Variants in PCDHA6 observed in about 807,000 individuals in gnomAD.
PCDHA6 encodes protocadherin alpha-6.
Under a neutral mutation model 60.3 loss-of-function variants are expected in PCDHA6, and 55 were observed. The observed-to-expected ratio is 0.91, with a 90% CI of 0.73 to 1.14. The LOEUF (loss-of-function observed/expected upper bound fraction) is 1.14. Ranked by LOEUF, PCDHA6 falls within the 50% of genes most tolerant of loss-of-function variation. The pLI, the probability that PCDHA6 is intolerant of heterozygous loss-of-function variation, is 0.00. For synonymous variants in PCDHA6, 652 were observed against 557.9 expected, an observed-to-expected ratio of 1.17 and a Z score of -2.38; for missense variants, 1,327 against 1,256.5, an observed-to-expected ratio of 1.06 and a Z score of -0.85.
chr5:140,829,798 G>A lies in PCDHA6; in HGVS notation c.1707G>A (p.Arg569=). 6.2e-7 allele frequency: 1 copy of A among 1,613,874 alleles called. No homozygotes were observed. The highest frequency in any genetic ancestry group is 8.5e-7 in the Non-Finnish European group (1 of 1,179,878). ...NDNAPALLAP[R]VGGTGGAVSE... is the part of the protein sequence containing the mutation. Reference sequence around the variant, plus strand: ...ACGCGCCGGCGCTGCTGGCGCCTCGGGTGGGTGGTACTGGTGGTGCAGTGA... The same window carrying A: ...ACGCGCCGGCGCTGCTGGCGCCTCGAGTGGGTGGTACTGGTGGTGCAGTGA... Residue 569 remains arginine (R), a synonymous_variant, in exon 1 of 4, where the codon CGG becomes CGA. Coordinates refer to ENST00000529310, the MANE Select transcript of PCDHA6 (RefSeq NM_018909.4).
At chr5:140,849,922 CG>C (rs1376450485) in intron 1 of PCDHA6, 3 of 1,598,214 alleles carry the variant, frequency 1.9e-6, no homozygotes, top group Non-Finnish European at 2.6e-6. Context: ...CACATCTTCA[CG>C]GTGTCTGCGC....
At chr5:141,001,280 G>T (rs1308036863) in intron 3 of PCDHA6, among the ~76,000 whole-genome samples, 2 of 152,162 alleles carry the variant, frequency 1.3e-5, no homozygotes, top group South Asian at 2.1e-4. Context: ...TTTTTTTACG[G>T]ATGAAAACTG....
intron 1 of PCDHA6, among the ~76,000 whole-genome samples, chr5:140,846,375 T>TG (rs1272448180): frequency 8.0e-6 from 1 of 125,456 alleles, no homozygotes; most frequent in African/African-American, 3.3e-5. Flanking sequence ...CTTTCTTTCT[T>TG]TTTTTTTTTT....
At chr5:140,907,975 G>A (rs1242073777) in intron 1 of PCDHA6, among the ~76,000 whole-genome samples, 1 of 152,154 alleles carries the variant, frequency 6.6e-6, no homozygotes, top group Non-Finnish European at 1.5e-5. Flanking sequence ...TTCCAATCAT[G>A]CTTCTTCCAA....
At chr5:140,958,241 AT>A (rs2095415572) in intron 1 of PCDHA6, among the ~76,000 whole-genome samples, 1 of 152,118 alleles carries the variant, frequency 6.6e-6, no homozygotes, top group Non-Finnish European at 1.5e-5. Flanking sequence ...GTTTTTAACA[AT>A]TCTGAACAAA....
In PCDHA6 at chr5:140,883,821, A is replaced by T; in HGVS notation, c.2394+53336A>T. ...GTGCACGCGGAGAGCGGCAAGGTGT[A>T]CGCGCTGCAGCCGTTGGACCACGAG... On this transcript the variant is annotated intron_variant, in intron 1 of 3. Transcript: ENST00000529310. 6.2e-7 allele frequency: 1 copy of T among 1,612,450 alleles called. No individual in the cohort carries two copies. The highest frequency in any genetic ancestry group is 8.5e-7 in the Non-Finnish European group (1 of 1,179,756).
At position 140,829,431 on chromosome 5, in the gene PCDHA6, A is replaced by C; in HGVS notation, c.1340A>C (p.Asp447Ala). 3 of 1,614,098 alleles carry C rather than the reference A, an allele frequency of 1.9e-6. No homozygotes were observed. Among genetic ancestry groups the C allele is most frequent in the Non-Finnish European group, 2.5e-6 (3 of 1,180,044 alleles). The part of the protein sequence containing the change: ...ATASLSVEVA[D>A]MNDNAPAFAQ... Reference sequence around the variant, plus strand: ...GCCAGCTTGTCTGTGGAGGTGGCCGACATGAATGACAATGCTCCGGCGTTC... The same window carrying C: ...GCCAGCTTGTCTGTGGAGGTGGCCGCCATGAATGACAATGCTCCGGCGTTC... Residue 447 changes from aspartate to alanine, a missense_variant, in exon 1 of 4, where the codon GAC becomes GCC. Coordinates refer to ENST00000529310, the MANE Select transcript of PCDHA6 (RefSeq NM_018909.4).
chr5:140,838,939 AAAAT>A lies in PCDHA6; in HGVS notation c.2394+8458_2394+8461del, dbSNP rs140008993. 4.7e-3 allele frequency among the ~76,000 whole-genome samples: 708 copies of A among 152,118 alleles called. 10 individuals are homozygous for A. The highest frequency in any genetic ancestry group is 5.1e-3 in the Non-Finnish European group (345 of 67,986). ...CAAAAATAAAATAAAATGAAATAATAAAATAAAATAAAATAAAAACCCAGAACTG... is the reference window on the plus strand; with the variant it reads ...CAAAAATAAAATAAAATGAAATAATAAAAATAAAATAAAAACCCAGAACTG... On this transcript the variant is annotated intron_variant, in intron 1 of 3. Coordinates refer to ENST00000529310, the MANE Select transcript of PCDHA6 (RefSeq NM_018909.4).
Position 140,845,869 on chromosome 5 carries a change from C to T in PCDHA6, c.2394+15384C>T, listed in dbSNP as rs1190017155. On this transcript the variant is annotated intron_variant, in intron 1 of 3. Transcript: ENST00000529310. ...AAAGAAGTTAGTGATTGCAGAAAGG[C>T]AACCTAAAATGTCAGAAAGTCGTTA... is the stretch of plus-strand genomic sequence containing the variant. Among the ~76,000 whole-genome samples the T allele has an allele frequency of 2.0e-5, 3 of 149,586 alleles. 1 individual carries two copies. Among genetic ancestry groups the T allele is most frequent in the Non-Finnish European group, 4.5e-5 (3 of 66,866 alleles).
chr5:140,838,077 A>AGTGTGTGT (rs57130401), intron 1 of PCDHA6, among the ~76,000 whole-genome samples: 22 of 80,694 alleles, frequency 2.7e-4, no homozygotes, highest in South Asian at 8.5e-4. Flanking sequence ...ATATATATAT[A>AGTGTGTGT]GTGTGTGTGT....
chr5:140,847,163 A>G (rs1242348309), intron 1 of PCDHA6, among the ~76,000 whole-genome samples: 1 of 149,646 alleles, frequency 6.7e-6, no homozygotes, highest in Non-Finnish European at 1.5e-5. Flanking sequence ...TTTCTGAGTA[A>G]TAAACTAAAG....
At position 140,964,709 on chromosome 5, in the gene PCDHA6, A is replaced by G. The variant is rs115609419; in HGVS notation, c.2395-14240A>G. On this transcript the variant is annotated intron_variant, in intron 1 of 3. Coordinates refer to ENST00000529310, the MANE Select transcript of PCDHA6 (RefSeq NM_018909.4). ...CACTTGAGAGATTAAGGCCTCCGAG[A>G]TCAAATTACCACAGCAAACTGAGAC... is the stretch of plus-strand genomic sequence containing the variant. Among the ~76,000 whole-genome samples the G allele has an allele frequency of 4.5e-3, 689 of 152,134 alleles. 3 individuals are homozygous for G. Among genetic ancestry groups the G allele is most frequent in the African/African-American group, 0.016 (667 of 41,492 alleles).
intron 1 of PCDHA6, among the ~76,000 whole-genome samples, chr5:140,936,014 T>C (rs1405282987): frequency 4.0e-5 from 6 of 151,334 alleles, no homozygotes; most frequent in Non-Finnish European, 8.8e-5. Flanking sequence ...CACCTCAGCC[T>C]CCCGAGTAGC....
chr5:140,966,986 C>G (rs1364396774), intron 1 of PCDHA6: 1 of 1,603,766 alleles, frequency 6.2e-7, no homozygotes, highest in African/African-American at 1.3e-5. Flanking sequence ...GCGCTTGGGG[C>G]CGGGTTGCTT....
Position 140,828,892 on chromosome 5 carries a change from T to C in PCDHA6, c.801T>C (p.Ser267=), listed in dbSNP as rs2150160259. ...CAACAGTTATCAGACTGAATGCTTC[T>C]GATCGGGATGAAGGAGCGAATGGGG... is the stretch of plus-strand genomic sequence containing the variant. ...NGTTVIRLNA[S]DRDEGANGAI... is the part of the protein sequence containing the mutation. Residue 267 remains serine, a synonymous_variant, in exon 1 of 4, where the codon TCT becomes TCC. Coordinates refer to ENST00000529310, the MANE Select transcript of PCDHA6 (RefSeq NM_018909.4). The C allele has an allele frequency of 1.9e-6, 3 of 1,614,124 alleles. No homozygotes were observed. In the South Asian group the frequency reaches 3.3e-5, roughly 18 times the overall value.
chr5:140,894,997 T>G (rs566489828), intron 1 of PCDHA6, among the ~76,000 whole-genome samples: 15 of 152,296 alleles, frequency 9.8e-5, no homozygotes, highest in African/African-American at 3.6e-4. Flanking sequence ...TCCTTTACCC[T>G]TTTTACTTGG....
intron 3 of PCDHA6, among the ~76,000 whole-genome samples, chr5:140,997,397 A>G (rs782082443): frequency 4.6e-5 from 7 of 152,194 alleles, no homozygotes; most frequent in African/African-American, 7.2e-5. Flanking sequence ...CTTAGGCTCT[A>G]TCGTATGGCC....
intron 3 of PCDHA6, among the ~76,000 whole-genome samples, chr5:140,990,586 A>G (rs544396898): frequency 7.2e-5 from 11 of 152,284 alleles, no homozygotes; most frequent in African/African-American, 2.6e-4. Flanking sequence ...CTTTTCCTAT[A>G]ATCACCTGGA....
At position 140,936,850 on chromosome 5, in the gene PCDHA6, CTTCTCAGT is replaced by C. The variant is rs1421923207; in HGVS notation, c.2395-42094_2395-42087del. Among the ~76,000 whole-genome samples the C allele has an allele frequency of 3.1e-4, 47 of 152,208 alleles. 1 individual carries two copies. Among genetic ancestry groups the C allele is most frequent in the African/African-American group, 1.1e-3 (46 of 41,532 alleles). On this transcript the variant is annotated intron_variant, in intron 1 of 3. Coordinates refer to ENST00000529310, the MANE Select transcript of PCDHA6 (RefSeq NM_018909.4). ...ATTTCTATATAAATTGTAGATTCAG[CTTCTCAGT>C]TTCTATTTTAAAAAACCCTGCTTTG... is the stretch of plus-strand genomic sequence containing the variant.
Sources: allele counts gnomAD v4.1 joint callset (sites outside exome capture counted in the v4.1 genomes callset), GRCh38; gene constraint gnomAD v4.1.1; transcripts MANE v1.5; gene names NCBI Gene and HGNC (gene_info 2026-07-23, HGNC 2026-07-21).